TCF7: variants seen among roughly 807,000 people sequenced by gnomAD.
TCF7 encodes T-cell-factor-7.
In TCF7, 19 loss-of-function variants were observed where a neutral mutation model predicts 46.8. That is an observed-to-expected ratio of 0.41 (90% CI 0.28 to 0.60). The LOEUF (loss-of-function observed/expected upper bound fraction) is 0.60, where lower values mean the gene tolerates loss of function less well. Among genes scored for constraint, TCF7 ranks in the 20% least tolerant of loss-of-function variants. TCF7 has a pLI of 0.35. For synonymous variants in TCF7, 245 were observed against 213.4 expected (o/e 1.15, Z -1.29); for missense variants, 547 against 504.6 (o/e 1.08, Z -0.81).
chr5:134,137,244 C>T (rs1042078437), intron 3 of TCF7, among the ~76,000 whole-genome samples: 2 of 151,936 alleles, frequency 1.3e-5, no homozygotes, highest in East Asian at 1.9e-4. Flanking sequence ...GTCAACATGG[C>T]GAAACCCCAT....
chr5:134,112,995 T>G (rs1755360275), upstream of TCF7, among the ~76,000 whole-genome samples: 2 of 152,076 alleles, frequency 1.3e-5, no homozygotes, highest in African/African-American at 4.8e-5. Flanking sequence ...AGATCCGGAT[T>G]CCCTTTCAGC....
chr5:134,118,742 C>G (rs1384410386), intron 3 of TCF7, among the ~76,000 whole-genome samples: 1 of 152,126 alleles, frequency 6.6e-6, no homozygotes, highest in Non-Finnish European at 1.5e-5. Context: ...AGTTACTGGC[C>G]TAGACCAGTA....
chr5:134,123,736 A>G (rs1203623808), intron 3 of TCF7: 5 of 456,232 alleles, frequency 1.1e-5, no homozygotes, highest in Middle Eastern at 3.2e-4. Context: ...TGATGGGCGC[A>G]TGCAGCATGT....
intron 7 of TCF7, 46 bp downstream of exon 7, chr5:134,142,929 C>G (rs1264865792): frequency 6.2e-7 from 1 of 1,611,720 alleles, no homozygotes; most frequent in Non-Finnish European, 8.5e-7. Context: ...CCCCGACCAT[C>G]TTCAGCCTGG....
intron 4 of TCF7, 31 bp from the exon 5 acceptor site, chr5:134,138,920 A>G: frequency 1.2e-6 from 2 of 1,612,704 alleles, no homozygotes; most frequent in South Asian, 1.1e-5. Context: ...AGGTCAGGCT[A>G]GCCCACTCAC....
At chr5:134,108,490 A>T in the TCF7 span, among the ~76,000 whole-genome samples, 1 of 152,172 alleles carries the variant, frequency 6.6e-6, no homozygotes, top group Admixed American at 6.5e-5. Flanking sequence ...TGCCCACCAC[A>T]TCCCGTTGCT....
At chr5:134,143,661 C>T (rs1423861707) in intron 9 of TCF7, 21 bp downstream of exon 9, 3 of 1,613,416 alleles carry the variant, frequency 1.9e-6, no homozygotes, top group Admixed American at 3.3e-5. Flanking sequence ...CTCTCAGCAG[C>T]AGTGGAGGCT....
chr5:134,145,618 C>T (rs1001328480), intron 9 of TCF7: 2 of 985,964 alleles, frequency 2.0e-6, no homozygotes, highest in African/African-American at 3.2e-5. Context: ...TCTCAGTGTA[C>T]CCACCACACT....
intron 4 of TCF7, chr5:134,138,659 T>G: frequency 2.8e-6 from 1 of 362,240 alleles, no homozygotes; most frequent in Non-Finnish European, 5.0e-6. Flanking sequence ...TAGGCTGGAG[T>G]CCCCCGAGCA....
intron 3 of TCF7, 176 bp downstream of exon 3, chr5:134,116,209 G>A (rs966129141): frequency 1.5e-6 from 2 of 1,371,464 alleles, no homozygotes; most frequent in Non-Finnish European, 1.9e-6. Flanking sequence ...GCTGAAGGAA[G>A]GAGGGGCCGC....
chr5:134,124,963 C>T (rs980421809), intron 3 of TCF7, among the ~76,000 whole-genome samples: 3 of 152,192 alleles, frequency 2.0e-5, no homozygotes, highest in African/African-American at 7.2e-5. Context: ...GGAAGCCATC[C>T]CTCCCCCTGC....
At position 134,114,948 on chromosome 5, in the gene TCF7, C is replaced by A; in HGVS notation, c.42C>A (p.Gly14=). The stretch of plus-strand genomic sequence containing the variant: ...CCGGCGGGGGCGGCGCGGGCGGCGG[C>A]GACGACCTCGGCGCGCCGGACGAGC... The part of the protein sequence containing the change: ...LDSGGGGAGG[G]DDLGAPDELL... Residue 14 remains glycine (G), a synonymous_variant, in exon 1 of 10, where the codon GGC becomes GGA. Coordinates refer to ENST00000342854, the MANE Select transcript of TCF7 (RefSeq NM_003202.5). 1.8e-6 allele frequency: 2 copies of A among 1,129,496 alleles called. No homozygotes were observed. Among genetic ancestry groups the A allele is most frequent in the South Asian group, 4.2e-5 (2 of 47,518 alleles). 70.0% of individuals were successfully genotyped at this position (1,129,496 alleles called of 1,614,324 possible).
upstream of TCF7, among the ~76,000 whole-genome samples, chr5:134,111,888 C>T (rs1351852307): frequency 1.3e-5 from 2 of 152,202 alleles, no homozygotes; most frequent in Non-Finnish European, 2.9e-5. Flanking sequence ...GTGACTTCAT[C>T]TCTCTGAGCT....
intron 3 of TCF7, among the ~76,000 whole-genome samples, chr5:134,128,480 T>C (rs1044338443): frequency 2.4e-4 from 36 of 151,992 alleles, no homozygotes; most frequent in African/African-American, 8.5e-4. Flanking sequence ...CCCAGGGGTC[T>C]TGACTGGCTA....
intron 3 of TCF7, 68 bp downstream of exon 3, chr5:134,116,101 G>A (rs1233514475): frequency 5.2e-6 from 8 of 1,530,136 alleles, no homozygotes; most frequent in African/African-American, 1.4e-5. Context: ...GTGAGGCACC[G>A]GCAAGAGACT....
Position 134,143,704 on chromosome 5 carries a change from C to T in TCF7, c.1075+64C>T. ...ATGTCCCCATTTCAAGAGCAGCCCT[C>T]CTCTGACCCAAAGGGAGGAACGCGG... On this transcript the variant is annotated intron_variant, in intron 9 of 9. Transcript: ENST00000342854. 1.9e-6 allele frequency: 3 copies of T among 1,600,058 alleles called. No homozygotes were observed. In the South Asian group the frequency reaches 3.3e-5, roughly 18 times the overall value.
the TCF7 span, among the ~76,000 whole-genome samples, chr5:134,109,643 G>A: frequency 6.6e-6 from 1 of 152,098 alleles, no homozygotes; most frequent in Non-Finnish European, 1.5e-5. Flanking sequence ...GGTGGCAGGT[G>A]CCTGTAATCC....
chr5:134,112,671 A>C (rs541354596), upstream of TCF7, among the ~76,000 whole-genome samples: 1 of 152,258 alleles, frequency 6.6e-6, no homozygotes, highest in African/African-American at 2.4e-5. Context: ...ATGAAAAAAA[A>C]CACTTGTCCC....
At position 134,138,147 on chromosome 5, in the gene TCF7, A is replaced by T; in HGVS notation, c.530A>T (p.Asp177Val). ...NSPHPTPAPA[D>V]ISQKQVHRPL... ...CCACATCCCACCCCTGCACCTGCGG[A>T]CATCAGCCAGAAGCAAGGTACAAGC... is the stretch of plus-strand genomic sequence containing the variant. The change falls in exon 4 of 10, where the codon GAC becomes GTC. Residue 177 changes from aspartate to valine, a missense_variant. Asp to Val is a radical substitution (Grantham distance 152). This residue lies in a region of TCF7 where 425 missense variants were observed against 349.9 expected (regional missense o/e 1.21). Transcript: ENST00000342854. 1 of 1,613,450 alleles carries T rather than the reference A, an allele frequency of 6.2e-7. No homozygotes were observed. The highest frequency in any genetic ancestry group is 8.5e-7 in the Non-Finnish European group (1 of 1,179,722).
Sources: allele counts gnomAD v4.1 joint callset (sites outside exome capture counted in the v4.1 genomes callset), GRCh38; gene constraint gnomAD v4.1.1; regional missense constraint gnomAD v4.1.1; transcripts MANE v1.5; gene names NCBI Gene and HGNC (gene_info 2026-07-23, HGNC 2026-07-21).